The following PABPC4L variants were observed in gnomAD, a reference collection of about 807,000 sequenced individuals.
The protein encoded by PABPC4L is polyadenylate-binding protein 4-like.
For synonymous variants in PABPC4L, 169 were observed against 164.1 expected (o/e 1.03, Z -0.23); for missense variants, 452 against 451.4 (o/e 1.00, Z -0.01).
the PABPC4L span, among the ~76,000 whole-genome samples, chr4:134,176,843 G>T: frequency 6.6e-6 from 1 of 152,032 alleles, no homozygotes; most frequent in African/African-American, 2.4e-5. Flanking sequence ...AATCCCCCTG[G>T]CGCCCCCATA....
chr4:134,034,929 T>G, the PABPC4L span, among the ~76,000 whole-genome samples: 1 of 152,082 alleles, frequency 6.6e-6, no homozygotes, highest in Non-Finnish European at 1.5e-5. Flanking sequence ...TAACTTCTAC[T>G]ATGCATAAAA....
chr4:134,118,486 T>C, the PABPC4L span, among the ~76,000 whole-genome samples: 30 of 152,016 alleles, frequency 2.0e-4, no homozygotes, highest in African/African-American at 7.0e-4. Flanking sequence ...TTGGAGTGAT[T>C]GACAGTCTAA....
the PABPC4L span, among the ~76,000 whole-genome samples, chr4:133,963,828 T>C: frequency 1.3e-5 from 2 of 152,038 alleles, no homozygotes; most frequent in Non-Finnish European, 2.9e-5. Flanking sequence ...GCAAAGGCAG[T>C]GCTAAGAGGA....
chr4:134,140,493 A>T, the PABPC4L span, among the ~76,000 whole-genome samples: 2 of 151,818 alleles, frequency 1.3e-5, no homozygotes, highest in African/African-American at 2.4e-5. Flanking sequence ...AACCATTTAT[A>T]CATTTAAAAT....
chr4:134,129,773 A>G, the PABPC4L span, among the ~76,000 whole-genome samples: 2 of 152,046 alleles, frequency 1.3e-5, no homozygotes, highest in African/African-American at 4.8e-5. Flanking sequence ...AAATGCCTAC[A>G]TCAAAAACTT....
At chr4:134,146,345 T>C in the PABPC4L span, among the ~76,000 whole-genome samples, 1 of 74,394 alleles carries the variant, frequency 1.3e-5, no homozygotes, top group Admixed American at 1.7e-4. Flanking sequence ...TACAGTGATT[T>C]TTAATGTTTT....
the PABPC4L span, among the ~76,000 whole-genome samples, chr4:134,101,873 T>C: frequency 9.2e-5 from 14 of 151,622 alleles, no homozygotes; most frequent in African/African-American, 3.4e-4. Flanking sequence ...TCCCATCTGA[T>C]TTTAAGTTAT....
the PABPC4L span, among the ~76,000 whole-genome samples, chr4:134,010,092 T>A: frequency 5.5e-4 from 83 of 152,162 alleles, 1 homozygote; most frequent in African/African-American, 2.0e-3. Context: ...ATTGTATTAA[T>A]GATGGTTACA....
the PABPC4L span, among the ~76,000 whole-genome samples, chr4:134,063,498 T>TA: frequency 3.9e-5 from 6 of 152,100 alleles, no homozygotes; most frequent in East Asian, 3.9e-4. Flanking sequence ...ATGTATTTGA[T>TA]AAAAAATAGT....
chr4:134,006,647 T>C, the PABPC4L span, among the ~76,000 whole-genome samples: 2 of 151,886 alleles, frequency 1.3e-5, no homozygotes, highest in African/African-American at 4.8e-5. Context: ...TTCTAAAGGG[T>C]AGGCAGGCTT....
chr4:133,977,552 T>C, the PABPC4L span, among the ~76,000 whole-genome samples: 1 of 152,188 alleles, frequency 6.6e-6, no homozygotes, highest in African/African-American at 2.4e-5. Flanking sequence ...GCATGGAATG[T>C]TTTTCCATCT....
At chr4:134,159,611 T>C in the PABPC4L span, among the ~76,000 whole-genome samples, 1 of 152,086 alleles carries the variant, frequency 6.6e-6, no homozygotes, top group Non-Finnish European at 1.5e-5. Flanking sequence ...AGAGGAATCC[T>C]CCACCCTAAC....
the PABPC4L span, among the ~76,000 whole-genome samples, chr4:134,073,361 T>C: frequency 1.1e-4 from 16 of 152,286 alleles, no homozygotes; most frequent in African/African-American, 3.8e-4. Context: ...CTCCTTTGAC[T>C]CCATGTCTCA....
At chr4:134,188,802 C>T in the PABPC4L span, among the ~76,000 whole-genome samples, 1 of 151,920 alleles carries the variant, frequency 6.6e-6, no homozygotes, top group Non-Finnish European at 1.5e-5. Context: ...TTTTAATTAT[C>T]CTGCTCAGTG....
At chr4:134,149,303 G>A in the PABPC4L span, among the ~76,000 whole-genome samples, 1 of 152,142 alleles carries the variant, frequency 6.6e-6, no homozygotes, top group Non-Finnish European at 1.5e-5. Flanking sequence ...AAAGGAAGCT[G>A]AACTCCACTG....
chr4:134,000,776 G>A, the PABPC4L span, among the ~76,000 whole-genome samples: 3 of 152,200 alleles, frequency 2.0e-5, no homozygotes, highest in African/African-American at 7.2e-5. Flanking sequence ...TAACTGGTAA[G>A]CTGGGAAACT....
the PABPC4L span, among the ~76,000 whole-genome samples, chr4:133,957,866 T>A: frequency 6.6e-6 from 1 of 152,150 alleles, no homozygotes; most frequent in Non-Finnish European, 1.5e-5. Context: ...TGGCTGGAGC[T>A]GAAGCACCTG....
At chr4:134,170,935 A>G in the PABPC4L span, among the ~76,000 whole-genome samples, 4 of 152,248 alleles carry the variant, frequency 2.6e-5, no homozygotes, top group Middle Eastern at 3.4e-3. Context: ...TGCTGAAATA[A>G]TTTGCATTTC....
the PABPC4L span, among the ~76,000 whole-genome samples, chr4:134,015,343 C>A: frequency 6.6e-6 from 1 of 152,280 alleles, no homozygotes; most frequent in East Asian, 1.9e-4. Context: ...CTATCCACCC[C>A]ATGGTGCCAA....
Sources: allele counts gnomAD v4.1 joint callset (sites outside exome capture counted in the v4.1 genomes callset), GRCh38; gene constraint gnomAD v4.1.1; transcripts MANE v1.5; gene names NCBI Gene and HGNC (gene_info 2026-07-23, HGNC 2026-07-21).